LMCD1: variants seen among roughly 807,000 people sequenced by gnomAD.
LMCD1 encodes the protein LIM and cysteine rich domains 1.
In LMCD1, 32 loss-of-function variants were observed where a neutral mutation model predicts 42.7. The observed-to-expected ratio is 0.75, with a 90% confidence interval of 0.57 to 1.01. The LOEUF is 1.01. LMCD1 is among the 50% of genes least tolerant of loss of function. The pLI is 0.00. For missense variants in LMCD1, 458 were observed against 483.1 expected (o/e 0.95, Z 0.49); for synonymous variants, 178 against 184.9 (o/e 0.96, Z 0.30).
chr3:8,532,496 C>G (rs1694430603), intron 1 of LMCD1, among the ~76,000 whole-genome samples: 1 of 152,140 alleles, frequency 6.6e-6, no homozygotes, highest in South Asian at 2.1e-4. Flanking sequence ...GGGAAAGAAC[C>G]CCCATTGCAT....
chr3:8,507,056 A>C (rs1215162125), intron 1 of LMCD1, among the ~76,000 whole-genome samples: 1 of 152,246 alleles, frequency 6.6e-6, no homozygotes, highest in East Asian at 1.9e-4. Context: ...CTACCATTTG[A>C]TAACAGGAAG....
chr3:8,533,825 A>C (rs1694459916), intron 2 of LMCD1, among the ~76,000 whole-genome samples: 1 of 151,944 alleles, frequency 6.6e-6, no homozygotes, highest in African/African-American at 2.4e-5. Flanking sequence ...CCATGCTCCT[A>C]ATCGTTCTGC....
At chr3:8,536,505 C>G (rs9832427) in intron 2 of LMCD1, among the ~76,000 whole-genome samples, 73,831 of 151,996 alleles carry the variant, frequency 0.49, 18,646 homozygotes, top group Non-Finnish European at 0.54. Flanking sequence ...GGTTTTCTGA[C>G]CTCTCTCCCT....
At chr3:8,564,896 G>A (rs2125040936) in intron 4 of LMCD1, among the ~76,000 whole-genome samples, 1 of 152,330 alleles carries the variant, frequency 6.6e-6, no homozygotes, top group South Asian at 2.1e-4. Context: ...GGCTGCAGAA[G>A]CAGTTATGGG....
intron 3 of LMCD1, among the ~76,000 whole-genome samples, chr3:8,543,424 T>C (rs62242265): frequency 6.2e-4 from 77 of 124,422 alleles, no homozygotes; most frequent in Non-Finnish European, 5.3e-5. Flanking sequence ...GATAGATAGA[T>C]AGATAGATAG....
intron 3 of LMCD1, among the ~76,000 whole-genome samples, chr3:8,545,495 T>C (rs59380427): frequency 0.032 from 4,883 of 152,302 alleles, 143 homozygotes; most frequent in African/African-American, 0.074. Context: ...AATCGTCCTC[T>C]GGCCTTTCCT....
chr3:8,548,417 T>G (rs2125031864), intron 3 of LMCD1, 151 bp from the exon 4 acceptor site: 1 of 497,014 alleles, frequency 2.0e-6, no homozygotes, highest in East Asian at 3.1e-5. Context: ...CTAACTGCAT[T>G]AAGTTAAGAA....
At position 8,548,816 on chromosome 3, in the gene LMCD1, G is replaced by A. The variant is rs1694787018; in HGVS notation, c.636G>A (p.Gly212=). 4 of 1,604,472 alleles carry A rather than the reference G, an allele frequency of 2.5e-6. No homozygotes were observed. Among genetic ancestry groups the A allele is most frequent in the South Asian group, 1.1e-5 (1 of 90,290 alleles). ...AGGGTGGCTTGCCCAAGGAGGAGGG[G>A]AAGCAGCAGGAAAAGCCAGAGGGGG... ...PGQGGLPKEE[G]KQQEKPEGAE... is the part of the protein sequence containing the mutation. Residue 212 remains glycine (G), a synonymous_variant, in exon 4 of 6, where the codon GGG becomes GGA. Coordinates refer to ENST00000157600, the MANE Select transcript of LMCD1 (RefSeq NM_014583.4).
rs192821856 is a variant in LMCD1, at chr3:8,540,422, C to T, written c.387+2982C>T. ...TCCAGCACTGTTAGAAGTATACTATCATTACCCTCAGCTACAAAGAAGGAA... is the reference window on the plus strand; with the variant it reads ...TCCAGCACTGTTAGAAGTATACTATTATTACCCTCAGCTACAAAGAAGGAA... On this transcript the variant is annotated intron_variant, in intron 3 of 5. Coordinates refer to ENST00000157600, the MANE Select transcript of LMCD1 (RefSeq NM_014583.4). Among the ~76,000 whole-genome samples, 796 of 152,344 alleles carry T rather than the reference C, an allele frequency of 5.2e-3. 3 individuals are homozygous for T. The highest frequency in any genetic ancestry group is 0.027 in the South Asian group (131 of 4,828).
At chr3:8,514,912 C>T (rs1373072959) in intron 1 of LMCD1, 6 of 455,616 alleles carry the variant, frequency 1.3e-5, no homozygotes, top group South Asian at 3.1e-5. Flanking sequence ...AAATATTCTA[C>T]GTGTTTATCT....
chr3:8,559,020 C>A (rs2125038042), intron 4 of LMCD1, among the ~76,000 whole-genome samples: 1 of 146,572 alleles, frequency 6.8e-6, no homozygotes, highest in South Asian at 2.4e-4. Flanking sequence ...CCCTGAGAAC[C>A]ACTGTCTCCA....
At chr3:8,547,659 G>A (rs932011065) in intron 3 of LMCD1, among the ~76,000 whole-genome samples, 6 of 152,166 alleles carry the variant, frequency 3.9e-5, no homozygotes, top group East Asian at 1.9e-4. Context: ...TTGGGAGACC[G>A]AGGCGGGTGC....
chr3:8,536,909 C>T (rs182066067), intron 2 of LMCD1, among the ~76,000 whole-genome samples: 76 of 152,276 alleles, frequency 5.0e-4, no homozygotes, highest in African/African-American at 1.6e-3. Flanking sequence ...TCAGCCTTTG[C>T]CGTGGCAACC....
Position 8,524,583 on chromosome 3 carries a change from A to C in LMCD1, c.43-8154A>C, listed in dbSNP as rs529502300. On this transcript the variant is annotated intron_variant, in intron 1 of 5. Transcript: ENST00000157600. ...TCCTTGTAGGGAATGGTGGTCCACAAGCTGCTTATGAAAAGGGAATTTTTT... is the reference window on the plus strand; with the variant it reads ...TCCTTGTAGGGAATGGTGGTCCACACGCTGCTTATGAAAAGGGAATTTTTT... 2.0e-5 allele frequency among the ~76,000 whole-genome samples: 3 copies of C among 152,358 alleles called. No individual in the cohort carries two copies. In the East Asian group the frequency reaches 5.8e-4, roughly 29 times the overall value.
chr3:8,517,477 C>T (rs59372618), intron 1 of LMCD1, among the ~76,000 whole-genome samples: 7,064 of 152,256 alleles, frequency 0.046, 291 homozygotes, highest in African/African-American at 0.1. Flanking sequence ...CTATGTCTAA[C>T]CTATATCTAA....
rs1694438100 is a variant in LMCD1 at position 8,532,825 on chromosome 3, G to A, written c.131G>A (p.Arg44Lys). The A allele has an allele frequency of 1.9e-6, 3 of 1,613,140 alleles. No homozygotes were observed. Among genetic ancestry groups the A allele is most frequent in the Non-Finnish European group, 2.5e-6 (3 of 1,179,310 alleles). ...TCGGGCTTCGAGCCACATTCATGGAGGTAACAGATTTTGTCAGGAGGGTCC... is the reference window on the plus strand; with the variant it reads ...TCGGGCTTCGAGCCACATTCATGGAAGTAACAGATTTTGTCAGGAGGGTCC... ...TCSGFEPHSW[R>K]KICKSCKCSQ... Residue 44 changes from arginine to lysine, a missense_variant and splice_region_variant, in exon 2 of 6, where the codon AGG (arginine) becomes AAG (lysine). Physicochemically the swap from Arg to Lys is conservative, Grantham distance 26. Coordinates refer to ENST00000157600, the MANE Select transcript of LMCD1 (RefSeq NM_014583.4).
chr3:8,508,083 C>T (rs576059976), intron 1 of LMCD1, among the ~76,000 whole-genome samples: 2 of 152,166 alleles, frequency 1.3e-5, no homozygotes, highest in African/African-American at 2.4e-5. Flanking sequence ...CTTGATTTCT[C>T]CTGGTTTTCC....
chr3:8,551,481 AT>A (rs2125033787), intron 4 of LMCD1, among the ~76,000 whole-genome samples: 1 of 152,352 alleles, frequency 6.6e-6, no homozygotes, highest in South Asian at 2.1e-4. Flanking sequence ...AGATTCAAGG[AT>A]AATAGGTAAC....
chr3:8,562,901 T>C (rs1255838881), intron 4 of LMCD1, among the ~76,000 whole-genome samples: 1 of 152,164 alleles, frequency 6.6e-6, no homozygotes, highest in Non-Finnish European at 1.5e-5. Context: ...TAAACATGGA[T>C]GAGCCCCTGA....
Sources: allele counts gnomAD v4.1 joint callset (sites outside exome capture counted in the v4.1 genomes callset), GRCh38; gene constraint gnomAD v4.1.1; transcripts MANE v1.5; gene names NCBI Gene and HGNC (gene_info 2026-07-23, HGNC 2026-07-21).